Variants in CTNNA2 observed in about 807,000 individuals in gnomAD.
CTNNA2 encodes the protein catenin alpha 2, also known as catenin alpha-2.
Under a neutral mutation model 101.0 loss-of-function variants are expected in CTNNA2, and 42 were observed. The observed-to-expected ratio is 0.42, with a 90% confidence interval of 0.32 to 0.54. The LOEUF is 0.54. CTNNA2 is among the 20% of genes least tolerant of loss of function. The pLI is 0.14. For missense variants in CTNNA2, 871 were observed against 1,223.1 expected, an observed-to-expected ratio of 0.71 and a Z score of 4.29; for synonymous variants, 450 against 456.4, an observed-to-expected ratio of 0.99 and a Z score of 0.18.
intron 7 of CTNNA2, among the ~76,000 whole-genome samples, chr2:79,925,765 T>C (rs576627298): frequency 6.6e-6 from 1 of 152,050 alleles, no homozygotes; most frequent in African/African-American, 2.4e-5. Context: ...TCCCTGACAC[T>C]AATTGAATTC....
intron 2 of CTNNA2, among the ~76,000 whole-genome samples, chr2:79,217,111 T>A (rs1199416134): frequency 6.6e-6 from 1 of 152,032 alleles, no homozygotes; most frequent in Non-Finnish European, 1.5e-5. Context: ...AGATAGTGGT[T>A]GAGGGATAGT....
Position 79,666,609 on chromosome 2 carries a change from C to T in CTNNA2, c.102+14951C>T, listed in dbSNP as rs781539075. Among the ~76,000 whole-genome samples, 18 of 152,258 alleles carry T rather than the reference C, an allele frequency of 1.2e-4. No individual in the cohort carries two copies. In the South Asian group the frequency reaches 2.3e-3, roughly 19 times the overall value. ...TCATAGATGTTTAACCACACAAATA[C>T]GGATGGTGCTTGATAAGTGCTGACA... On this transcript the variant is annotated intron_variant, in intron 2 of 18. Transcript: ENST00000402739.
At chr2:79,398,601 C>T (rs1401120128) in intron 4 of CTNNA2, among the ~76,000 whole-genome samples, 1 of 151,926 alleles carries the variant, frequency 6.6e-6, no homozygotes, top group African/African-American at 2.4e-5. Context: ...AATAATAATG[C>T]TAATTACAAG....
At position 79,308,104 on chromosome 2, in the gene CTNNA2, G is replaced by A. The variant is rs192524209; in HGVS notation, c.-405-4605G>A. 2.1e-3 allele frequency among the ~76,000 whole-genome samples: 322 copies of A among 152,258 alleles called. 1 individual carries two copies. Among genetic ancestry groups the A allele is most frequent in the African/African-American group, 7.3e-3 (305 of 41,536 alleles). On this transcript the variant is annotated intron_variant, in intron 2 of 21. Transcript: ENST00000466387. ...TTGTTGCCCAGGCTGCAGTACAGTG[G>A]CATGATCTCGGCTCACTGCAAGCTC...
intron 1 of CTNNA2, among the ~76,000 whole-genome samples, chr2:79,596,607 G>C (rs1417459902): frequency 6.6e-6 from 1 of 152,196 alleles, no homozygotes; most frequent in African/African-American, 2.4e-5. Flanking sequence ...TTGTCAGAGA[G>C]CATCTGCAAA....
At chr2:79,833,534 A>G (rs568394047) in intron 3 of CTNNA2, among the ~76,000 whole-genome samples, 2 of 152,192 alleles carry the variant, frequency 1.3e-5, no homozygotes, top group Non-Finnish European at 2.9e-5. Context: ...CTCTTCAGAC[A>G]TTAACCTGGA....
chr2:79,835,671 T>TG (rs1679288147), intron 3 of CTNNA2, among the ~76,000 whole-genome samples: 1 of 13,390 alleles, frequency 7.5e-5, no homozygotes, highest in African/African-American at 1.8e-4. Flanking sequence ...TCTTTGTTTT[T>TG]TTTTTTTTTT....
chr2:79,493,197 A>C (rs1231209611), intron 4 of CTNNA2, among the ~76,000 whole-genome samples: 44 of 152,098 alleles, frequency 2.9e-4, no homozygotes, highest in Non-Finnish European at 1.5e-5. Context: ...AAAAGTAAGA[A>C]AGTAAGTAGA....
At chr2:80,200,502 A>G (rs965801442) in intron 7 of CTNNA2, among the ~76,000 whole-genome samples, 1 of 150,614 alleles carries the variant, frequency 6.6e-6, no homozygotes, top group African/African-American at 2.5e-5. Flanking sequence ...AAACCTATGC[A>G]TGGACATATT....
chr2:79,726,343 G>C (rs1296197477), intron 2 of CTNNA2, among the ~76,000 whole-genome samples: 1 of 152,146 alleles, frequency 6.6e-6, no homozygotes, highest in Non-Finnish European at 1.5e-5. Flanking sequence ...CAACCCCGGG[G>C]TCATGGACCA....
chr2:79,281,030 C>T (rs56135231), intron 2 of CTNNA2, among the ~76,000 whole-genome samples: 30,937 of 151,988 alleles, frequency 0.2, 3,670 homozygotes, highest in East Asian at 0.37. Context: ...CACATTCCCC[C>T]TCTTTGCTGT....
intron 2 of CTNNA2, among the ~76,000 whole-genome samples, chr2:79,231,612 G>T (rs746154839): frequency 1.3e-5 from 2 of 152,118 alleles, no homozygotes; most frequent in Non-Finnish European, 2.9e-5. Flanking sequence ...TGGTATTTTG[G>T]TAGGAATATC....
At position 80,091,557 on chromosome 2, in the gene CTNNA2, G is replaced by C. The variant is rs75395995; in HGVS notation, c.1056+181760G>C. Among the ~76,000 whole-genome samples the C allele has an allele frequency of 3.2e-3, 493 of 152,230 alleles. 4 individuals are homozygous for C. Among genetic ancestry groups the C allele is most frequent in the African/African-American group, 0.011 (460 of 41,548 alleles). On this transcript the variant is annotated intron_variant, in intron 7 of 18. Coordinates refer to ENST00000402739, the MANE Select transcript of CTNNA2 (RefSeq NM_001282597.3). Reference sequence around the variant, plus strand: ...GCCAGCAGGATACTCTCCGCCTGCAGTCTGGTATAAATCAGGACAAAACTG... The same window carrying C: ...GCCAGCAGGATACTCTCCGCCTGCACTCTGGTATAAATCAGGACAAAACTG...
chr2:79,374,224 A>G (rs2104457093), intron 4 of CTNNA2, among the ~76,000 whole-genome samples: 1 of 152,284 alleles, frequency 6.6e-6, no homozygotes. Flanking sequence ...CTTCTGTGGA[A>G]GTCTAGTGCA....
At chr2:80,364,529 G>A (rs1411575026) in intron 7 of CTNNA2, among the ~76,000 whole-genome samples, 1 of 145,750 alleles carries the variant, frequency 6.9e-6, no homozygotes, top group Non-Finnish European at 1.5e-5. Context: ...TCCCATGGAT[G>A]TCTGTATTAT....
At chr2:80,061,367 A>G (rs1358956095) in intron 7 of CTNNA2, among the ~76,000 whole-genome samples, 1 of 152,216 alleles carries the variant, frequency 6.6e-6, no homozygotes, top group Non-Finnish European at 1.5e-5. Context: ...CTACTCCTAA[A>G]ATAGAACACA....
chr2:79,699,377 A>G (rs1174513242), intron 2 of CTNNA2, among the ~76,000 whole-genome samples: 2 of 152,072 alleles, frequency 1.3e-5, no homozygotes, highest in Non-Finnish European at 2.9e-5. Context: ...TTAAGGAATA[A>G]ATTTTACACA....
chr2:79,299,789 C>T (rs964812993), intron 2 of CTNNA2, among the ~76,000 whole-genome samples: 5 of 152,146 alleles, frequency 3.3e-5, no homozygotes, highest in African/African-American at 1.2e-4. Flanking sequence ...TCTAAGTGGT[C>T]TGTGCTTTTC....
At chr2:79,596,339 G>A (rs79445712) in intron 1 of CTNNA2, among the ~76,000 whole-genome samples, 3,175 of 152,166 alleles carry the variant, frequency 0.021, 96 homozygotes, top group East Asian at 0.098. Context: ...GGGAAAAAAG[G>A]AGGGCATCAA....
Sources: allele counts gnomAD v4.1 joint callset (sites outside exome capture counted in the v4.1 genomes callset), GRCh38; gene constraint gnomAD v4.1.1; transcripts MANE v1.5; gene names NCBI Gene and HGNC (gene_info 2026-07-23, HGNC 2026-07-21).